Variants in ADAD1 observed in about 807,000 individuals in gnomAD.
The protein encoded by ADAD1 is adenosine deaminase domain-containing protein 1.
Under a neutral mutation model 66.8 loss-of-function variants are expected in ADAD1, and 46 were observed. The ratio of observed to expected loss-of-function variants is 0.69; its 90% CI spans 0.54 to 0.88. ADAD1 has a LOEUF of 0.88. Ranked by LOEUF, ADAD1 falls within the 40% of genes least tolerant of loss-of-function variation. The pLI is 0.00. For missense variants in ADAD1, 617 were observed against 681.8 expected (o/e 0.91, Z 1.06); for synonymous variants, 248 against 229.4 (o/e 1.08, Z -0.73).
chr4:122,422,351 C>G (rs948817557), intron 12 of ADAD1, among the ~76,000 whole-genome samples: 7 of 152,276 alleles, frequency 4.6e-5, no homozygotes, highest in Non-Finnish European at 1.5e-5. Context: ...TCTTGAACTC[C>G]TCACGTCAGG....
At chr4:122,394,746 T>G (rs1795616536) in intron 6 of ADAD1, among the ~76,000 whole-genome samples, 1 of 152,168 alleles carries the variant, frequency 6.6e-6, no homozygotes, top group Non-Finnish European at 1.5e-5. Context: ...TTTTAACGAA[T>G]AAGAGGATAG....
chr4:122,402,561 T>C (rs1796028391), intron 7 of ADAD1, among the ~76,000 whole-genome samples: 2 of 152,136 alleles, frequency 1.3e-5, no homozygotes, highest in Non-Finnish European at 2.9e-5. Context: ...GCCTGTGAAG[T>C]TTTCCTAAAT....
intron 5 of ADAD1, among the ~76,000 whole-genome samples, chr4:122,387,584 G>A (rs1252661969): frequency 6.6e-6 from 1 of 151,956 alleles, no homozygotes; most frequent in East Asian, 1.9e-4. Flanking sequence ...TGTTGAATAG[G>A]AGTTCAACAT....
intron 7 of ADAD1, among the ~76,000 whole-genome samples, chr4:122,402,186 G>T (rs572852542): frequency 7.2e-5 from 11 of 151,920 alleles, no homozygotes; most frequent in Non-Finnish European, 1.6e-4. Flanking sequence ...TTTAATACTG[G>T]CTTCGCAGTG....
At chr4:122,412,923 G>A in intron 10 of ADAD1, 114 bp downstream of exon 10, 2 of 819,986 alleles carry the variant, frequency 2.4e-6, no homozygotes, top group Admixed American at 2.4e-5. Flanking sequence ...CTTTATTTAA[G>A]GTCAAAACAC....
chr4:122,389,224 G>C (rs1473539445), intron 5 of ADAD1, among the ~76,000 whole-genome samples: 1 of 152,176 alleles, frequency 6.6e-6, no homozygotes, highest in Non-Finnish European at 1.5e-5. Context: ...ACTGTAGTCT[G>C]AGAGACTGTT....
chr4:122,424,540 T>C (rs1044175867), intron 12 of ADAD1, among the ~76,000 whole-genome samples: 2 of 152,286 alleles, frequency 1.3e-5, no homozygotes, highest in Admixed American at 1.3e-4. Flanking sequence ...TAAAGAGGTA[T>C]ATTGTAATTC....
At chr4:122,413,309 G>C (rs1029578406) in intron 10 of ADAD1, among the ~76,000 whole-genome samples, 1 of 152,074 alleles carries the variant, frequency 6.6e-6, no homozygotes, top group Non-Finnish European at 1.5e-5. Context: ...TGGATGTTCT[G>C]TAGATAATCA....
chr4:122,391,375 C>CACTTT (rs956248692), intron 5 of ADAD1, among the ~76,000 whole-genome samples: 3 of 152,216 alleles, frequency 2.0e-5, no homozygotes, highest in African/African-American at 7.2e-5. Context: ...CTTAACAAGG[C>CACTTT]ACTTTGTCCT....
chr4:122,380,878 CAT>C lies in ADAD1; in HGVS notation c.173-111_173-110del, dbSNP rs199665786. The C allele has an allele frequency of 5.8e-3, 5,551 of 950,472 alleles. 27 individuals are homozygous for C. The highest frequency in any genetic ancestry group is 8.6e-3 in the Admixed American group (252 of 29,172). 58.9% of individuals were successfully genotyped at this position (950,472 alleles called of 1,614,324 possible). A position where few individuals can be genotyped will look rare whatever the true frequency, so the allele number is the denominator to read the frequency against. ...TTGTTTAGTAGAAACTTAAGAAAAA[CAT>C]ATGATGAAGTGTATCTGGGACAACC... On this transcript the variant is annotated intron_variant, in intron 3 of 12. Coordinates refer to ENST00000296513, the MANE Select transcript of ADAD1 (RefSeq NM_139243.4).
At chr4:122,393,164 T>C (rs895433548) in intron 5 of ADAD1, among the ~76,000 whole-genome samples, 1 of 151,884 alleles carries the variant, frequency 6.6e-6, no homozygotes, top group Non-Finnish European at 1.5e-5. Context: ...AAACTGCGAA[T>C]GTAGCATTCC....
At chr4:122,416,125 T>A (rs1796723868) in intron 11 of ADAD1, among the ~76,000 whole-genome samples, 1 of 152,168 alleles carries the variant, frequency 6.6e-6, no homozygotes, top group Non-Finnish European at 1.5e-5. Flanking sequence ...AGATTTTATT[T>A]ATTTATTTTT....
At chr4:122,414,683 T>A (rs1796646604) in intron 10 of ADAD1, among the ~76,000 whole-genome samples, 1 of 152,146 alleles carries the variant, frequency 6.6e-6, no homozygotes. Flanking sequence ...TGCAAGAACT[T>A]CTGACCTTCT....
intron 4 of ADAD1, among the ~76,000 whole-genome samples, chr4:122,381,523 G>A (rs1163570254): frequency 6.6e-6 from 1 of 152,156 alleles, no homozygotes; most frequent in East Asian, 1.9e-4. Flanking sequence ...TTTATGAGAA[G>A]GATTCTGTGA....
At position 122,407,075 on chromosome 4, in the gene ADAD1, G is replaced by C. The variant is rs551866242; in HGVS notation, c.725-833G>C. Among the ~76,000 whole-genome samples the C allele has an allele frequency of 6.6e-5, 10 of 151,236 alleles. No individual in the cohort carries two copies. In the South Asian group the frequency reaches 2.1e-3, roughly 32 times the overall value. ...CAATTGTTGCTGAGTTATTAGGTTG[G>C]TGCCAAAAAAAAAAATGACAAGAAC... On this transcript the variant is annotated intron_variant, in intron 7 of 12. Transcript: ENST00000296513.
At chr4:122,393,558 A>C in intron 5 of ADAD1, 31 bp from the exon 6 acceptor site, 1 of 1,535,458 alleles carries the variant, frequency 6.5e-7, no homozygotes, top group Non-Finnish European at 8.8e-7. Flanking sequence ...TTGAAGTTTC[A>C]TGTTTCCTTA....
intron 7 of ADAD1, among the ~76,000 whole-genome samples, chr4:122,397,340 A>T (rs899054444): frequency 1.3e-5 from 2 of 152,172 alleles, no homozygotes; most frequent in South Asian, 4.1e-4. Context: ...CATTAATCAG[A>T]CTCAGTTCTG....
intron 7 of ADAD1, 76 bp downstream of exon 7, chr4:122,396,453 T>A: frequency 8.0e-7 from 1 of 1,251,832 alleles, no homozygotes; most frequent in Non-Finnish European, 1.1e-6. Flanking sequence ...TCTTTGCCCC[T>A]GTACACAATG....
In ADAD1 at chr4:122,380,084, T is replaced by C. The variant is rs1289919039; in HGVS notation, c.15T>C (p.Asn5=). 4 of 1,612,480 alleles carry C rather than the reference T, an allele frequency of 2.5e-6. No homozygotes were observed. In the South Asian group the frequency reaches 4.4e-5, roughly 18 times the overall value. The part of the protein sequence containing the change: MASN[N]HWFQSSQVPS... Reference sequence around the variant, plus strand: ...TAGGTGAGAAAATGGCTAGCAACAATCATTGGTTTCAGAGTTCGCAGGTCC... The same window carrying C: ...TAGGTGAGAAAATGGCTAGCAACAACCATTGGTTTCAGAGTTCGCAGGTCC... The change falls in exon 3 of 13, where the codon AAT becomes AAC. Residue 5 remains asparagine (N), a synonymous_variant. Transcript: ENST00000296513.
Sources: gnomAD v4.1 joint callset for allele counts (sites outside exome capture counted in the v4.1 genomes callset) on GRCh38, gnomAD v4.1.1 for gene constraint, MANE v1.5 for transcripts, NCBI Gene and HGNC (gene_info 2026-07-23, HGNC 2026-07-21) for gene names.